Variants in SLC26A7 observed in about 807,000 individuals in gnomAD.
The protein encoded by SLC26A7 is solute carrier family 26 member 7.
SLC26A7 carries 59 observed loss-of-function variants against 82.5 expected under a neutral mutation model. The observed-to-expected ratio is 0.72, with a 90% CI of 0.58 to 0.89. The LOEUF is 0.89. SLC26A7 is among the 40% of genes least tolerant of loss of function. The pLI, the probability that SLC26A7 is intolerant of heterozygous loss-of-function variation, is 0.00. For synonymous variants in SLC26A7, 271 were observed against 274.3 expected (o/e 0.99, Z 0.12); for missense variants, 820 against 793.0 (o/e 1.03, Z -0.41).
At chr8:91,389,281 C>A (rs1476986464) in intron 15 of SLC26A7, 57 bp from the exon 16 acceptor site, 1 of 1,269,982 alleles carries the variant, frequency 7.9e-7, no homozygotes, top group South Asian at 1.2e-5. Flanking sequence ...GTCAACAAAG[C>A]CAGCAGCAGA....
Position 91,276,394 on chromosome 8 carries a change from T to C in SLC26A7, c.194-12742T>C, listed in dbSNP as rs1454244663. The stretch of plus-strand genomic sequence containing the variant: ...CATTCATTTGACATTTTTTTACTTT[T>C]CAAAGAAGTCATTGATTTTTAGTGT... On this transcript the variant is annotated intron_variant, in intron 2 of 18. Transcript: ENST00000276609. Among the ~76,000 whole-genome samples, 3 of 152,350 alleles carry C rather than the reference T, an allele frequency of 2.0e-5. No homozygotes were observed. The East Asian group carries it at 5.8e-4, about 29-fold the overall frequency.
chr8:91,220,873 T>TG (rs757896412), intron 2 of SLC26A7, among the ~76,000 whole-genome samples: 2 of 152,180 alleles, frequency 1.3e-5, no homozygotes, highest in Non-Finnish European at 2.9e-5. Flanking sequence ...TACCCAGTAA[T>TG]GGGATTGCTG....
chr8:91,236,159 T>C (rs1810390239), intron 2 of SLC26A7, among the ~76,000 whole-genome samples: 1 of 152,206 alleles, frequency 6.6e-6, no homozygotes, highest in Admixed American at 6.5e-5. Flanking sequence ...GAAAATTTCT[T>C]TTCCAAAAGA....
intron 9 of SLC26A7, among the ~76,000 whole-genome samples, chr8:91,350,002 T>A (rs17666339): frequency 0.03 from 4,587 of 152,242 alleles, 90 homozygotes; most frequent in South Asian, 0.054. Flanking sequence ...TGCTCCTAAA[T>A]GATCAGGATA....
At chr8:91,383,567 A>G (rs1814720771) in intron 15 of SLC26A7, among the ~76,000 whole-genome samples, 2 of 152,332 alleles carry the variant, frequency 1.3e-5, no homozygotes, top group Non-Finnish European at 2.9e-5. Context: ...ATCAAAATAT[A>G]TGAAGCAGGG....
At chr8:91,242,550 G>GT (rs1810488792) in intron 2 of SLC26A7, among the ~76,000 whole-genome samples, 1 of 152,156 alleles carries the variant, frequency 6.6e-6, no homozygotes, top group Non-Finnish European at 1.5e-5. Flanking sequence ...AGGCAGTTAG[G>GT]TTTGGATAAG....
At chr8:91,249,501 C>G in intron 1 of SLC26A7, 38 bp from the exon 2 acceptor site, 1 of 485,598 alleles carries the variant, frequency 2.1e-6, no homozygotes, top group Non-Finnish European at 3.5e-6. Context: ...GTTAATCTCT[C>G]TCTCTCTCTC....
intron 1 of SLC26A7, among the ~76,000 whole-genome samples, chr8:91,209,862 C>A (rs1397112768): frequency 2.6e-5 from 4 of 152,126 alleles, no homozygotes; most frequent in Admixed American, 6.5e-5. Flanking sequence ...AATGGTAGTG[C>A]TTTTCCACTT....
At chr8:91,227,875 T>C (rs545266136) in intron 2 of SLC26A7, among the ~76,000 whole-genome samples, 5 of 152,362 alleles carry the variant, frequency 3.3e-5, no homozygotes, top group African/African-American at 9.6e-5. Context: ...TGCATGTTCC[T>C]TCTTGTCTAA....
chr8:91,211,594 A>AT (rs1809920356), intron 1 of SLC26A7, among the ~76,000 whole-genome samples: 1 of 113,630 alleles, frequency 8.8e-6, no homozygotes, highest in Non-Finnish European at 2.1e-5. Context: ...GCAATTATAC[A>AT]AATATATATA....
At chr8:91,328,279 A>C (rs1019340781) in intron 5 of SLC26A7, among the ~76,000 whole-genome samples, 24 of 152,152 alleles carry the variant, frequency 1.6e-4, no homozygotes, top group African/African-American at 5.3e-4. Flanking sequence ...AGAGATCTTT[A>C]TTTATCTTTT....
At chr8:91,381,551 T>G (rs763040863) in intron 15 of SLC26A7, among the ~76,000 whole-genome samples, 4 of 152,124 alleles carry the variant, frequency 2.6e-5, no homozygotes, top group Non-Finnish European at 4.4e-5. Flanking sequence ...ACTGAAAAAT[T>G]TTTAAGGGAG....
intron 15 of SLC26A7, among the ~76,000 whole-genome samples, chr8:91,386,070 GA>G (rs1437610334): frequency 6.6e-6 from 1 of 151,968 alleles, no homozygotes; most frequent in Non-Finnish European, 1.5e-5. Flanking sequence ...GAACTCAGTG[GA>G]AAAAAATATC....
chr8:91,256,977 A>G (rs1346478899), intron 2 of SLC26A7, among the ~76,000 whole-genome samples: 1 of 152,042 alleles, frequency 6.6e-6, no homozygotes, highest in African/African-American at 2.4e-5. Context: ...TTCTAGCATG[A>G]CAGACATAGC....
intron 9 of SLC26A7, chr8:91,343,993 C>A: frequency 3.2e-6 from 3 of 935,148 alleles, no homozygotes; most frequent in Non-Finnish European, 3.8e-6. Flanking sequence ...ACCAGGCATT[C>A]TGCTGGGTAC....
intron 2 of SLC26A7, among the ~76,000 whole-genome samples, chr8:91,228,518 C>T (rs1810267858): frequency 6.6e-6 from 1 of 152,216 alleles, no homozygotes; most frequent in Non-Finnish European, 1.5e-5. Flanking sequence ...TCATGAGTTT[C>T]AGGCAGACAG....
intron 6 of SLC26A7, among the ~76,000 whole-genome samples, chr8:91,336,015 C>T (rs1813231048): frequency 1.3e-5 from 2 of 152,190 alleles, no homozygotes; most frequent in African/African-American, 4.8e-5. Flanking sequence ...GCCACTCCAT[C>T]ACCACTACGA....
At chr8:91,346,184 T>G (rs970462301) in intron 9 of SLC26A7, among the ~76,000 whole-genome samples, 2 of 152,250 alleles carry the variant, frequency 1.3e-5, no homozygotes, top group East Asian at 1.9e-4. Context: ...CTCTGCTTGT[T>G]GAGATGGTCA....
At chr8:91,212,877 A>T (rs1809958745) in intron 1 of SLC26A7, among the ~76,000 whole-genome samples, 1 of 151,978 alleles carries the variant, frequency 6.6e-6, no homozygotes, top group South Asian at 2.1e-4. Context: ...CAAAAATAAC[A>T]AAACAATTAG....
Sources: gnomAD v4.1 joint callset for allele counts (sites outside exome capture counted in the v4.1 genomes callset) on GRCh38, gnomAD v4.1.1 for gene constraint, MANE v1.5 for transcripts, NCBI Gene and HGNC (gene_info 2026-07-23, HGNC 2026-07-21) for gene names.